The following PRKAA1 variants were observed in gnomAD, a reference collection of about 807,000 sequenced individuals.
The protein encoded by PRKAA1 is protein kinase AMP-activated catalytic subunit alpha 1.
PRKAA1 carries 23 observed loss-of-function variants against 56.9 expected under a neutral mutation model. The ratio of observed to expected loss-of-function variants is 0.40; its 90% CI spans 0.29 to 0.57. The LOEUF is 0.57. PRKAA1 is among the 20% of genes least tolerant of loss of function. PRKAA1 has a pLI of 0.39. For missense variants in PRKAA1, 413 were observed against 679.7 expected (o/e 0.61, Z 4.36); for synonymous variants, 226 against 227.0 (o/e 1.00, Z 0.04).
intron 5 of PRKAA1, among the ~76,000 whole-genome samples, chr5:40,768,114 G>C (rs1743552752): frequency 6.6e-6 from 1 of 152,182 alleles, no homozygotes; most frequent in Non-Finnish European, 1.5e-5. Context: ...GGATCCTGAG[G>C]CTGTGAAAGA....
rs1436477283 is a variant in PRKAA1, at chr5:40,775,485, T to C, written c.288A>G (p.Thr96=). 6.2e-7 allele frequency: 1 copy of C among 1,603,016 alleles called. No homozygotes were observed. Among genetic ancestry groups the C allele is most frequent in the African/African-American group, 1.3e-5 (1 of 74,660 alleles). Residue 96 remains threonine, a synonymous_variant, in exon 3 of 9, where the codon ACA becomes ACG. Coordinates refer to ENST00000397128, the MANE Select transcript of PRKAA1 (RefSeq NM_006251.6). ...CCATCACCATGAAAATATCAGATGG[T>C]GTACTGATGACCTGGTACCTGGTGA... ...HIIKLYQVIS[T]PSDIFMVMEY...
rs1460325821 is a variant in PRKAA1 at position 40,794,719 on chromosome 5, T to C, written c.127+3344A>G. 1.0e-4 allele frequency among the ~76,000 whole-genome samples: 13 copies of C among 125,984 alleles called. 3 individuals are homozygous for C. The highest frequency in any genetic ancestry group is 3.7e-5 in the Non-Finnish European group (2 of 54,542). 82.7% of individuals were successfully genotyped at this position (125,984 alleles called of 152,430 possible). A position where few individuals can be genotyped will look rare whatever the true frequency, so the allele number is the denominator to read the frequency against. On this transcript the variant is annotated intron_variant, in intron 1 of 8. Transcript: ENST00000397128. Reference sequence around the variant, plus strand: ...TCTCCTACATGTGGCTGGCCAATTATCCCAGCACAATTTGTTGAAAAGGGT... The same window carrying C: ...TCTCCTACATGTGGCTGGCCAATTACCCCAGCACAATTTGTTGAAAAGGGT...
Position 40,762,550 on chromosome 5 carries a change from G to T in PRKAA1, c.*228C>A. 2.0e-6 allele frequency: 1 copy of T among 504,218 alleles called. No homozygotes were observed. Among genetic ancestry groups the T allele is most frequent in the African/African-American group, 1.9e-5 (1 of 52,068 alleles). The allele number at this position is 504,218 out of a possible 1,614,324, so 31.2% of individuals were successfully genotyped here. A position where few individuals can be genotyped will look rare whatever the true frequency, so the allele number is the denominator to read the frequency against. On this transcript the variant is annotated 3_prime_UTR_variant, in exon 9 of 9. Coordinates refer to ENST00000397128, the MANE Select transcript of PRKAA1 (RefSeq NM_006251.6). ...AAGCCTGAGACCTATAATTCACTGTGTATATTATGCTATATACATACTGCA... is the reference window on the plus strand; with the variant it reads ...AAGCCTGAGACCTATAATTCACTGTTTATATTATGCTATATACATACTGCA...
intron 1 of PRKAA1, among the ~76,000 whole-genome samples, chr5:40,785,127 G>A (rs982584097): frequency 6.6e-6 from 1 of 152,132 alleles, no homozygotes; most frequent in African/African-American, 2.4e-5. Flanking sequence ...CTATGTGCCA[G>A]GCACTGCTAC....
At position 40,762,528 on chromosome 5, in the gene PRKAA1, C is replaced by A; in HGVS notation, c.*250G>T. On this transcript the variant is annotated 3_prime_UTR_variant, in exon 9 of 9. Transcript: ENST00000397128. ...ATAAAATAGCCAAAAATCAAGTAAGCCTGAGACCTATAATTCACTGTGTAT... is the reference window on the plus strand; with the variant it reads ...ATAAAATAGCCAAAAATCAAGTAAGACTGAGACCTATAATTCACTGTGTAT... 2.4e-6 allele frequency: 1 copy of A among 418,502 alleles called. No individual in the cohort carries two copies. Among genetic ancestry groups the A allele is most frequent in the Non-Finnish European group, 4.3e-6 (1 of 232,864 alleles). 25.9% of individuals were successfully genotyped at this position (418,502 alleles called of 1,614,324 possible). A position where few individuals can be genotyped will look rare whatever the true frequency, so the allele number is the denominator to read the frequency against.
At chr5:40,763,163 T>C in intron 8 of PRKAA1, 141 bp from the exon 9 acceptor site, 1 of 771,394 alleles carries the variant, frequency 1.3e-6, no homozygotes, top group Non-Finnish European at 2.1e-6. Flanking sequence ...TCTAAAACAG[T>C]CAATGAGCCT....
chr5:40,780,275 T>C (rs1229101530), intron 1 of PRKAA1, among the ~76,000 whole-genome samples: 1 of 152,180 alleles, frequency 6.6e-6, no homozygotes, highest in African/African-American at 2.4e-5. Flanking sequence ...TTAAGTAGCC[T>C]GGTATACTTA....
chr5:40,768,622 C>A, intron 5 of PRKAA1: 1 of 1,081,182 alleles, frequency 9.2e-7, no homozygotes, highest in Non-Finnish European at 1.1e-6. Context: ...TTTCTTTGAG[C>A]AGTCTAGGCC....
intron 1 of PRKAA1, among the ~76,000 whole-genome samples, chr5:40,784,637 A>T (rs188017336): frequency 8.7e-4 from 132 of 152,328 alleles, no homozygotes; most frequent in Middle Eastern, 6.8e-3. Context: ...TACAACATAA[A>T]TCTAGTTCCT....
intron 5 of PRKAA1, chr5:40,768,826 A>T: frequency 6.7e-7 from 1 of 1,492,386 alleles, no homozygotes; most frequent in Non-Finnish European, 8.9e-7. Flanking sequence ...AAAATATTAA[A>T]TTCTCCTGTT....
In PRKAA1 at chr5:40,760,959, C is replaced by T. The variant is rs770656233; in HGVS notation, c.*1819G>A. On this transcript the variant is annotated 3_prime_UTR_variant, in exon 9 of 9. Coordinates refer to ENST00000397128, the MANE Select transcript of PRKAA1 (RefSeq NM_006251.6). ...TGATACAATATTATCATACACGATA[C>T]CAATTTTATCTGAGGTGACTACATC... is the stretch of plus-strand genomic sequence containing the variant. 33 of 152,094 alleles carry T rather than the reference C, an allele frequency of 2.2e-4. No individual in the cohort carries two copies. The highest frequency in any genetic ancestry group is 4.7e-4 in the Non-Finnish European group (32 of 67,946). 9.4% of individuals were successfully genotyped at this position (152,094 alleles called of 1,614,324 possible).
chr5:40,772,425 G>A (rs927078865), intron 3 of PRKAA1, among the ~76,000 whole-genome samples: 1 of 151,408 alleles, frequency 6.6e-6, no homozygotes, highest in Admixed American at 6.6e-5. Context: ...AGACCATGAG[G>A]AAGTAATATT....
At chr5:40,785,878 A>AGAGAGAGAGAGAGC (rs1454892834) in intron 1 of PRKAA1, among the ~76,000 whole-genome samples, 1 of 149,044 alleles carries the variant, frequency 6.7e-6, no homozygotes, top group African/African-American at 2.5e-5. Flanking sequence ...AGAGAGAGAG[A>AGAGAGAGAGAGAGC]GCAAGCGAGC....
intron 1 of PRKAA1, among the ~76,000 whole-genome samples, chr5:40,797,087 A>G (rs1229529884): frequency 2.0e-5 from 3 of 152,174 alleles, no homozygotes; most frequent in African/African-American, 7.2e-5. Flanking sequence ...AAGAGTCCAC[A>G]CTTTTCTTTT....
chr5:40,783,620 G>A (rs769924781), intron 1 of PRKAA1, among the ~76,000 whole-genome samples: 6 of 152,066 alleles, frequency 3.9e-5, no homozygotes, highest in African/African-American at 1.2e-4. Context: ...TTAACCAGGC[G>A]TGTTGGCACG....
intron 1 of PRKAA1, among the ~76,000 whole-genome samples, chr5:40,790,436 C>A (rs1418346683): frequency 1.3e-5 from 2 of 152,064 alleles, no homozygotes; most frequent in Admixed American, 1.3e-4. Flanking sequence ...GGGCTTTTTG[C>A]TCCCAGCCTA....
rs1743145095 is a variant in PRKAA1 at position 40,760,659 on chromosome 5, G to C, written c.*2119C>G. ...CAGCTTTCAAATTAGAAGTTGAATA[G>C]AACAAGCCCTGGACAAAAAGCAGCA... On this transcript the variant is annotated 3_prime_UTR_variant, in exon 9 of 9. Transcript: ENST00000397128. 1 of 152,642 alleles carries C rather than the reference G, an allele frequency of 6.6e-6. No homozygotes were observed. The highest frequency in any genetic ancestry group is 2.4e-5 in the African/African-American group (1 of 41,426). 9.5% of individuals were successfully genotyped at this position (152,642 alleles called of 1,614,324 possible).
chr5:40,776,635 CAGGAAAT>C (rs1305090730), intron 2 of PRKAA1, among the ~76,000 whole-genome samples: 4 of 152,170 alleles, frequency 2.6e-5, no homozygotes, highest in Non-Finnish European at 5.9e-5. Context: ...AGAAGCTGAG[CAGGAAAT>C]AGTTATTTGT....
intron 2 of PRKAA1, among the ~76,000 whole-genome samples, chr5:40,776,083 T>C (rs1006995875): frequency 3.9e-5 from 6 of 152,166 alleles, no homozygotes; most frequent in Non-Finnish European, 7.3e-5. Flanking sequence ...AGTAAAACTA[T>C]GGCAGCAATG....
Sources: allele counts gnomAD v4.1 joint callset (sites outside exome capture counted in the v4.1 genomes callset), GRCh38; gene constraint gnomAD v4.1.1; transcripts MANE v1.5; gene names NCBI Gene and HGNC (gene_info 2026-07-23, HGNC 2026-07-21).